The following CPED1 variants were observed in gnomAD, a reference collection of about 807,000 sequenced individuals.
The protein encoded by CPED1 is cadherin-like and PC-esterase domain-containing protein 1.
In CPED1, 114 loss-of-function variants were observed where a neutral mutation model predicts 128.2. That is an observed-to-expected ratio of 0.89 (90% CI 0.76 to 1.04). CPED1 has a LOEUF of 1.04. Ranked by LOEUF, CPED1 falls within the 50% of genes least tolerant of loss-of-function variation. The pLI is 0.00. For synonymous variants in CPED1, 462 were observed against 426.7 expected (o/e 1.08, Z -1.02); for missense variants, 1,211 against 1,207.1 (o/e 1.00, Z -0.05).
chr7:121,204,405 T>C (rs1167979641), intron 16 of CPED1, among the ~76,000 whole-genome samples: 1 of 152,102 alleles, frequency 6.6e-6, no homozygotes, highest in Non-Finnish European at 1.5e-5. Context: ...ATTGTCATCA[T>C]AGAAAAGGCA....
At chr7:121,027,679 C>T (rs1051258455) in intron 3 of CPED1, among the ~76,000 whole-genome samples, 10 of 151,556 alleles carry the variant, frequency 6.6e-5, no homozygotes, top group African/African-American at 2.4e-4. Context: ...CAGATTTCAT[C>T]AAACCAGTGA....
chr7:121,072,381 G>A (rs1794017404), intron 5 of CPED1, among the ~76,000 whole-genome samples: 1 of 151,978 alleles, frequency 6.6e-6, no homozygotes. Flanking sequence ...AAATACTTAG[G>A]AAAATTCATA....
At chr7:121,060,942 C>T (rs1381137837) in intron 4 of CPED1, among the ~76,000 whole-genome samples, 1 of 152,158 alleles carries the variant, frequency 6.6e-6, no homozygotes, top group Non-Finnish European at 1.5e-5. Context: ...GACCACGAGC[C>T]CCCCGGGAGG....
intron 7 of CPED1, among the ~76,000 whole-genome samples, chr7:121,116,379 A>T (rs1795234174): frequency 6.6e-6 from 1 of 152,244 alleles, no homozygotes; most frequent in Non-Finnish European, 1.5e-5. Flanking sequence ...ATTTTCAGTG[A>T]ACTAAAACAA....
At chr7:121,201,491 A>AGAGAGAGAGAAG (rs2116565169) in intron 16 of CPED1, among the ~76,000 whole-genome samples, 1 of 150,730 alleles carries the variant, frequency 6.6e-6, no homozygotes, top group African/African-American at 2.5e-5. Flanking sequence ...AGACAGAGAG[A>AGAGAGAGAGAAG]GAGAGAGAGA....
rs936142278 is a variant in CPED1 at position 121,100,012 on chromosome 7, C to T, written c.836C>T (p.Thr279Met). Reference protein sequence around the residue: ...SVILKAYVLVTSLTPLRAFIH... With the variant: ...SVILKAYVLVMSLTPLRAFIH... ...ATTCTTAAAGCGTATGTGTTGGTGA[C>T]GTCCTTAACCCCTTTGCGTGCATTC... is the stretch of plus-strand genomic sequence containing the variant. The change falls in exon 7 of 23, where the codon ACG becomes ATG. Residue 279 changes from threonine to methionine, a missense_variant. By Grantham distance (81) the Thr-to-Met change is moderately conservative (BLOSUM62 -1). Transcript: ENST00000310396. The T allele has an allele frequency of 5.0e-6, 8 of 1,613,450 alleles. No homozygotes were observed. The highest frequency in any genetic ancestry group is 2.2e-5 in the South Asian group (2 of 91,060).
At chr7:121,033,830 C>T (rs572376970) in intron 3 of CPED1, among the ~76,000 whole-genome samples, 2 of 152,264 alleles carry the variant, frequency 1.3e-5, no homozygotes, top group East Asian at 1.9e-4. Context: ...ATTATATTTT[C>T]TCAAGCCTTA....
rs752530903 is a variant in CPED1 at position 121,130,302 on chromosome 7, A to C, written c.1577+8A>C. 6.3e-7 allele frequency: 1 copy of C among 1,587,604 alleles called. No individual in the cohort carries two copies. Among genetic ancestry groups the C allele is most frequent in the Non-Finnish European group, 8.5e-7 (1 of 1,171,138 alleles). On this transcript the variant is annotated splice_region_variant and intron_variant, in intron 12 of 22. Transcript: ENST00000310396. The stretch of plus-strand genomic sequence containing the variant: ...GCCACATCCACTGGAATGGTAAGAT[A>C]GCCACAAATTTGAATTGTACAATCC...
At chr7:121,020,643 T>A in intron 3 of CPED1, among the ~76,000 whole-genome samples, 1 of 151,994 alleles carries the variant, frequency 6.6e-6, no homozygotes, top group South Asian at 2.1e-4. Context: ...AAATATATAA[T>A]AACAAAATTA....
At chr7:121,020,352 A>C (rs1792408370) in intron 3 of CPED1, among the ~76,000 whole-genome samples, 1 of 152,024 alleles carries the variant, frequency 6.6e-6, no homozygotes, top group African/African-American at 2.4e-5. Context: ...ATAAAGTTTT[A>C]TTAGAACACT....
At chr7:121,121,808 G>T (rs1208633103) in intron 7 of CPED1, among the ~76,000 whole-genome samples, 1 of 152,148 alleles carries the variant, frequency 6.6e-6, no homozygotes, top group Non-Finnish European at 1.5e-5. Flanking sequence ...AATAATTTCA[G>T]ATTTGTCATT....
At chr7:121,165,351 T>C (rs1257725146) in intron 16 of CPED1, among the ~76,000 whole-genome samples, 1 of 152,140 alleles carries the variant, frequency 6.6e-6, no homozygotes, top group African/African-American at 2.4e-5. Flanking sequence ...AAAAGTAAAT[T>C]TCCTTTTGTC....
At chr7:121,077,261 T>C (rs1299294543) in intron 5 of CPED1, among the ~76,000 whole-genome samples, 1 of 152,178 alleles carries the variant, frequency 6.6e-6, no homozygotes, top group East Asian at 1.9e-4. Context: ...TCCTGTATCC[T>C]TTTTAGGTTT....
chr7:121,034,861 A>G (rs1438929055), intron 3 of CPED1, among the ~76,000 whole-genome samples: 1 of 152,180 alleles, frequency 6.6e-6, no homozygotes, highest in East Asian at 1.9e-4. Flanking sequence ...AAGGCTATAC[A>G]TGTTTAAATG....
intron 7 of CPED1, among the ~76,000 whole-genome samples, chr7:121,121,770 T>C (rs1012121092): frequency 1.3e-5 from 2 of 152,198 alleles, no homozygotes; most frequent in South Asian, 2.1e-4. Flanking sequence ...GTTCAGGTTC[T>C]GGTGGCATTT....
At chr7:121,051,499 G>A (rs1290088304) in intron 4 of CPED1, 3 of 459,414 alleles carry the variant, frequency 6.5e-6, no homozygotes, top group Non-Finnish European at 1.2e-5. Context: ...TTCCATAGAT[G>A]GGGGTTAGTT....
At chr7:121,224,078 T>C (rs1198952782) in intron 16 of CPED1, among the ~76,000 whole-genome samples, 1 of 152,200 alleles carries the variant, frequency 6.6e-6, no homozygotes, top group African/African-American at 2.4e-5. Flanking sequence ...TCTTTCCTGA[T>C]TTCTCTTTTG....
intron 18 of CPED1, among the ~76,000 whole-genome samples, chr7:121,262,304 C>G (rs1792037478): frequency 6.6e-6 from 1 of 152,156 alleles, no homozygotes; most frequent in Admixed American, 6.5e-5. Context: ...TACCCAGGCT[C>G]AGGCATTCTT....
At chr7:121,032,520 C>A (rs1342155716) in intron 3 of CPED1, among the ~76,000 whole-genome samples, 7 of 48,866 alleles carry the variant, frequency 1.4e-4, no homozygotes, top group Admixed American at 5.9e-4. Context: ...AACATCATAC[C>A]GCGGGGGGGG....
Sources: allele counts gnomAD v4.1 joint callset (sites outside exome capture counted in the v4.1 genomes callset), GRCh38; gene constraint gnomAD v4.1.1; transcripts MANE v1.5; gene names NCBI Gene and HGNC (gene_info 2026-07-23, HGNC 2026-07-21).